Variants in THSD7B observed in about 807,000 individuals in gnomAD.
The protein encoded by THSD7B is thrombospondin type 1 domain containing 7B.
A neutral mutation model predicts 213.6 loss-of-function variants in THSD7B; 138 were observed. That is an observed-to-expected ratio of 0.65 (90% CI 0.56 to 0.74). THSD7B has a LOEUF of 0.74. Among genes scored for constraint, THSD7B ranks in the 30% least tolerant of loss-of-function variants. The pLI is 0.00. For synonymous variants in THSD7B, 742 were observed against 687.0 expected, an observed-to-expected ratio of 1.08 and a Z score of -1.25; for missense variants, 1,931 against 1,991.5, an observed-to-expected ratio of 0.97 and a Z score of 0.58.
At chr2:137,389,983 G>A (rs1049946545) in intron 12 of THSD7B, among the ~76,000 whole-genome samples, 38 of 152,060 alleles carry the variant, frequency 2.5e-4, no homozygotes, top group African/African-American at 9.2e-4. Flanking sequence ...CAGGTAGTGC[G>A]ATGCCTCCAG....
intron 15 of THSD7B, among the ~76,000 whole-genome samples, chr2:137,463,603 C>A (rs1241523127): frequency 6.6e-6 from 1 of 151,878 alleles, no homozygotes; most frequent in African/African-American, 2.4e-5. Context: ...GCTTTATTGG[C>A]AATATTGGTT....
At chr2:137,301,529 G>A (rs1368981474) in intron 12 of THSD7B, among the ~76,000 whole-genome samples, 3 of 152,050 alleles carry the variant, frequency 2.0e-5, no homozygotes, top group South Asian at 4.2e-4. Flanking sequence ...ATCAGGAGAG[G>A]AGGACAGAGA....
At chr2:137,573,904 A>G (rs1305289439) in intron 17 of THSD7B, among the ~76,000 whole-genome samples, 1 of 152,120 alleles carries the variant, frequency 6.6e-6, no homozygotes, top group Non-Finnish European at 1.5e-5. Flanking sequence ...TTTAGACTCA[A>G]TACTTTTCTT....
At chr2:137,546,975 G>A (rs1328537947) in intron 15 of THSD7B, among the ~76,000 whole-genome samples, 1 of 151,938 alleles carries the variant, frequency 6.6e-6, no homozygotes, top group Non-Finnish European at 1.5e-5. Flanking sequence ...GTGAAGAGCC[G>A]GAAAGGTCTG....
intron 21 of THSD7B, among the ~76,000 whole-genome samples, chr2:137,643,743 G>A (rs1682979378): frequency 1.3e-5 from 2 of 152,106 alleles, no homozygotes. Context: ...GCCATTTCAG[G>A]GGAAGGGAGA....
At chr2:137,541,734 G>C (rs1289146743) in intron 15 of THSD7B, among the ~76,000 whole-genome samples, 1 of 151,540 alleles carries the variant, frequency 6.6e-6, no homozygotes, top group African/African-American at 2.4e-5. Context: ...AGAATAATGT[G>C]AAACAAAATA....
chr2:137,676,203 G>A (rs1307726491), intron 27 of THSD7B, among the ~76,000 whole-genome samples: 4 of 152,194 alleles, frequency 2.6e-5, no homozygotes, highest in Non-Finnish European at 5.9e-5. Flanking sequence ...TCTGTGATGT[G>A]AAGGTCACAA....
intron 17 of THSD7B, among the ~76,000 whole-genome samples, chr2:137,594,012 A>C (rs1378755903): frequency 6.6e-6 from 1 of 152,030 alleles, no homozygotes; most frequent in Non-Finnish European, 1.5e-5. Flanking sequence ...GCTTCAGTAC[A>C]AGTGATTTAT....
intron 2 of THSD7B, among the ~76,000 whole-genome samples, chr2:136,894,371 T>C (rs932609907): frequency 2.6e-5 from 4 of 152,214 alleles, no homozygotes; most frequent in Admixed American, 6.5e-5. Flanking sequence ...TGACACTACA[T>C]ACAAGGCAGG....
intron 2 of THSD7B, among the ~76,000 whole-genome samples, chr2:136,890,404 T>TTCC (rs1304046357): frequency 2.9e-3 from 3 of 1,024 alleles, no homozygotes; most frequent in Non-Finnish European, 4.0e-3. Context: ...CCTCTTCCTC[T>TTCC]TCCTCTTCTT....
chr2:137,482,747 T>C (rs1242103650), intron 15 of THSD7B, among the ~76,000 whole-genome samples: 2 of 152,138 alleles, frequency 1.3e-5, no homozygotes, highest in Non-Finnish European at 1.5e-5. Context: ...TTTCCTTTTT[T>C]AGTGTGTACT....
At chr2:137,160,460 A>G (rs1285378125) in intron 6 of THSD7B, 92 bp downstream of exon 6, 1 of 1,473,052 alleles carries the variant, frequency 6.8e-7, no homozygotes, top group Non-Finnish European at 9.1e-7. Flanking sequence ...GCTTAAGACA[A>G]TATTTGTTTG....
chr2:137,552,327 G>T (rs1023954751), intron 15 of THSD7B, among the ~76,000 whole-genome samples: 2 of 152,136 alleles, frequency 1.3e-5, no homozygotes, highest in African/African-American at 4.8e-5. Flanking sequence ...AAGGTGTTCA[G>T]TATCTCTTGG....
intron 2 of THSD7B, among the ~76,000 whole-genome samples, chr2:136,921,219 C>CA (rs778515013): frequency 0.017 from 1,653 of 96,384 alleles, 19 homozygotes; most frequent in African/African-American, 0.035. Context: ...TCTGGACACT[C>CA]AAAAAAAAAA....
intron 2 of THSD7B, among the ~76,000 whole-genome samples, chr2:136,961,224 C>CTTTTTT (rs201759566): frequency 7.9e-6 from 1 of 126,968 alleles, no homozygotes; most frequent in Non-Finnish European, 1.6e-5. Flanking sequence ...TTTTTCTTTT[C>CTTTTTT]TTTTTTTTTT....
At chr2:137,602,280 T>G (rs939479971) in intron 17 of THSD7B, among the ~76,000 whole-genome samples, 75 of 152,036 alleles carry the variant, frequency 4.9e-4, no homozygotes, top group African/African-American at 1.8e-3. Context: ...TGTTTTTGTA[T>G]TATTTTTTAA....
chr2:137,545,486 A>AC (rs1331156825), intron 15 of THSD7B, among the ~76,000 whole-genome samples: 2 of 151,772 alleles, frequency 1.3e-5, no homozygotes, highest in Admixed American at 6.6e-5. Context: ...AAATGAAGCC[A>AC]CCCCCGAAGA....
chr2:137,244,478 C>T lies in THSD7B; in HGVS notation c.2266+1906C>T, dbSNP rs535227427. On this transcript the variant is annotated intron_variant, in intron 10 of 27. Transcript: ENST00000409968. ...TTTAGCCACTGCTAGTCCACCTATT[C>T]TACATTCAAGAAAATTCTCTCTGCT... Among the ~76,000 whole-genome samples the T allele has an allele frequency of 4.6e-5, 7 of 152,292 alleles. No homozygotes were observed. In the South Asian group the frequency reaches 1.4e-3, roughly 32 times the overall value.
intron 25 of THSD7B, among the ~76,000 whole-genome samples, chr2:137,660,274 A>G (rs1683318137): frequency 1.3e-5 from 2 of 152,156 alleles, no homozygotes; most frequent in South Asian, 4.2e-4. Flanking sequence ...TATAACTCCC[A>G]TCTACCACAA....
Sources: allele counts gnomAD v4.1 joint callset (sites outside exome capture counted in the v4.1 genomes callset), GRCh38; gene constraint gnomAD v4.1.1; transcripts MANE v1.5; gene names NCBI Gene and HGNC (gene_info 2026-07-23, HGNC 2026-07-21).